Variants in ZNF397 observed in about 807,000 individuals in gnomAD.
ZNF397 encodes the protein zinc finger and SCAN domain-containing protein 15.
In ZNF397, 38 loss-of-function variants were observed where a neutral mutation model predicts 50.6. The observed-to-expected ratio is 0.75, with a 90% CI of 0.58 to 0.98. The LOEUF (loss-of-function observed/expected upper bound fraction) is 0.98, where lower values mean the gene tolerates loss of function less well. ZNF397 is among the 50% of genes least tolerant of loss of function. The pLI is 0.00. For synonymous variants in ZNF397, 228 were observed against 215.2 expected (o/e 1.06, Z -0.52); for missense variants, 624 against 624.1 (o/e 1.00, Z 0.00).
rs764587019 is a variant in ZNF397, at chr18:35,246,117, A to G, written c.1412A>G (p.His471Arg). Residue 471 changes from histidine to arginine, a missense_variant, in exon 4 of 4, where the codon CAT becomes CGT. His to Arg is a conservative substitution (Grantham distance 29). Coordinates refer to ENST00000330501, the MANE Select transcript of ZNF397 (RefSeq NM_001135178.3). Reference protein sequence around the residue: ...AFSLSSNLIRHQRIHSGEEPY... With the variant: ...AFSLSSNLIRRQRIHSGEEPY... ...AGTTTGAGCTCAAACCTTATCAGACATCAGAGAATTCATAGTGGGGAGGAA... is the reference window on the plus strand; with the variant it reads ...AGTTTGAGCTCAAACCTTATCAGACGTCAGAGAATTCATAGTGGGGAGGAA... 1.3e-6 allele frequency: 2 copies of G among 1,551,830 alleles called. No homozygotes were observed. The highest frequency in any genetic ancestry group is 2.7e-5 in the African/African-American group (2 of 73,048).
At chr18:35,258,113 C>A in exon 6 of ZNF397, 1 of 682,412 alleles carries the variant, frequency 1.5e-6, no homozygotes. Flanking sequence ...ACAATTTAAA[C>A]CTCATGACCT....
chr18:35,252,048 TA>T (rs1228307914), downstream of ZNF397: 1 of 152,190 alleles, frequency 6.6e-6, no homozygotes, highest in Non-Finnish European at 1.5e-5. Flanking sequence ...GGCATGAAGA[TA>T]AGATAGGATC....
chr18:35,241,613 T>G (rs543506221), intron 1 of ZNF397: 2 of 152,366 alleles, frequency 1.3e-5, no homozygotes, highest in East Asian at 3.9e-4. Context: ...CTTGGGATAT[T>G]CTAAGCTTTT....
rs757264889 is a variant in ZNF397 at position 35,246,531 on chromosome 18, T to C, written c.*221T>C. The C allele has an allele frequency of 2.9e-5, 38 of 1,306,040 alleles. No individual in the cohort carries two copies. The highest frequency in any genetic ancestry group is 3.7e-5 in the Non-Finnish European group (38 of 1,030,540). 80.9% of individuals were successfully genotyped at this position (1,306,040 alleles called of 1,614,324 possible). On this transcript the variant is annotated 3_prime_UTR_variant, in exon 4 of 4. Transcript: ENST00000330501. ...ATACAGAAGAATCATTACTTCCAGC[T>C]CTTCTCTTATTAGGAATACTCAGGA...
intron 5 of ZNF397, chr18:35,255,741 T>C (rs1306648317): frequency 1.9e-5 from 3 of 154,344 alleles, no homozygotes; most frequent in Middle Eastern, 1.0e-3. Flanking sequence ...GGCTTCCCGT[T>C]TTCCCCATTC....
In ZNF397 at chr18:35,248,547, A is replaced by G. The variant is rs1598587455; in HGVS notation, c.*2237A>G. On this transcript the variant is annotated 3_prime_UTR_variant, in exon 4 of 4. Coordinates refer to ENST00000330501, the MANE Select transcript of ZNF397 (RefSeq NM_001135178.3). The stretch of plus-strand genomic sequence containing the variant: ...AAGCTCTACTGTATGTCAGAAAGCA[A>G]TGTAATAGATAGACCAAGCACAGTG... The G allele has an allele frequency of 6.6e-6, 1 of 152,332 alleles. No individual in the cohort carries two copies. The highest frequency in any genetic ancestry group is 2.1e-4 in the South Asian group (1 of 4,830). The allele number at this position is 152,332 out of a possible 1,614,324, so 9.4% of individuals were successfully genotyped here. A position where few individuals can be genotyped will look rare whatever the true frequency, so the allele number is the denominator to read the frequency against.
intron 1 of ZNF397, chr18:35,241,544 CTGTG>C (rs1912501685): frequency 6.6e-6 from 1 of 152,222 alleles, no homozygotes; most frequent in Non-Finnish European, 1.5e-5. Context: ...CAAGTTTGGT[CTGTG>C]TCACAACATT....
chr18:35,252,404 A>G (rs952424801), downstream of ZNF397: 1 of 152,214 alleles, frequency 6.6e-6, no homozygotes, highest in South Asian at 2.1e-4. Context: ...AGGCTCTGCT[A>G]TTCCCCATTC....
In ZNF397 at chr18:35,246,919, C is replaced by G; in HGVS notation, c.*609C>G. The G allele has an allele frequency of 1.1e-6, 1 of 946,552 alleles. No homozygotes were observed. The highest frequency in any genetic ancestry group is 1.3e-6 in the Non-Finnish European group (1 of 794,576). 58.6% of individuals were successfully genotyped at this position (946,552 alleles called of 1,614,324 possible). A position where few individuals can be genotyped will look rare whatever the true frequency, so the allele number is the denominator to read the frequency against. On this transcript the variant is annotated 3_prime_UTR_variant, in exon 4 of 4. Coordinates refer to ENST00000330501, the MANE Select transcript of ZNF397 (RefSeq NM_001135178.3). ...ACAGTGGAAAACAAGACTGTAGTCT[C>G]TACAGTCTAATGGGCAAGGCAGCCA...
exon 6 of ZNF397, chr18:35,258,225 G>T (rs1472342516): frequency 3.9e-6 from 2 of 507,422 alleles, no homozygotes; most frequent in African/African-American, 3.9e-5. Context: ...CAGGAACCCA[G>T]TCAAGGCCAT....
At chr18:35,243,006 G>T in intron 2 of ZNF397, 122 bp downstream of exon 2, 1 of 1,477,694 alleles carries the variant, frequency 6.8e-7, no homozygotes, top group South Asian at 1.3e-5. Context: ...GTGACTAATA[G>T]AGCCATACTT....
intron 3 of ZNF397, chr18:35,243,528 G>A: frequency 1.5e-6 from 1 of 646,326 alleles, no homozygotes; most frequent in South Asian, 1.9e-5. Context: ...ACTTTATAAA[G>A]CGTCAATACA....
chr18:35,252,525 T>A (rs988081405), downstream of ZNF397: 3 of 152,218 alleles, frequency 2.0e-5, no homozygotes, highest in Non-Finnish European at 4.4e-5. Context: ...AAATTAGGTC[T>A]ATGACAATTT....
Position 35,245,587 on chromosome 18 carries a change from C to G in ZNF397, c.882C>G (p.Phe294Leu). Residue 294 changes from phenylalanine (F) to leucine (L), a missense_variant, in exon 4 of 4, where the codon TTC (phenylalanine) becomes TTG (leucine). Phe to Leu is a conservative substitution (Grantham distance 22). Coordinates refer to ENST00000330501, the MANE Select transcript of ZNF397 (RefSeq NM_001135178.3). Reference sequence around the variant, plus strand: ...GATGTGATGTATGTGGGCACAGCTTCAAGCAGCATTCCTCTCTAACACAAC... The same window carrying G: ...GATGTGATGTATGTGGGCACAGCTTGAAGCAGCATTCCTCTCTAACACAAC... ...PYRCDVCGHS[F>L]KQHSSLTQHQ... The G allele has an allele frequency of 6.4e-7, 1 of 1,553,008 alleles. No individual in the cohort carries two copies. Among genetic ancestry groups the G allele is most frequent in the Non-Finnish European group, 8.7e-7 (1 of 1,147,560 alleles).
rs1028815931 is a variant in ZNF397, at chr18:35,243,470, C to G, written c.556+177C>G. The G allele has an allele frequency of 2.8e-5, 22 of 773,050 alleles. 1 individual carries two copies. Among genetic ancestry groups the G allele is most frequent in the African/African-American group, 2.3e-4 (13 of 57,438 alleles). The allele number at this position is 773,050 out of a possible 1,614,324, so 47.9% of individuals were successfully genotyped here. Reference sequence around the variant, plus strand: ...CCCCTCATGAATTGCTGTCAGCCCTCCTGTGTGAGTTTCCCTGTTATTCAT... The same window carrying G: ...CCCCTCATGAATTGCTGTCAGCCCTGCTGTGTGAGTTTCCCTGTTATTCAT... On this transcript the variant is annotated intron_variant, in intron 3 of 3. Transcript: ENST00000330501.
downstream of ZNF397, chr18:35,254,228 T>C: frequency 6.2e-7 from 1 of 1,614,180 alleles, no homozygotes; most frequent in South Asian, 1.1e-5. Flanking sequence ...CTTTTGCTTC[T>C]TAGAGTTGTC....
At position 35,242,832 on chromosome 18, in the gene ZNF397, C is replaced by T; in HGVS notation, c.362C>T (p.Ala121Val). Residue 121 changes from alanine (A) to valine (V), a missense_variant, in exon 2 of 4, where the codon GCT becomes GTT. Transcript: ENST00000330501. The stretch of plus-strand genomic sequence containing the variant: ...CATAATCCAGAAAGCGGCGAGGAAG[C>T]TGTGACCCTGTTGGAGGATTTAGAG... ...QQHNPESGEE[A>V]VTLLEDLERE... 1 of 1,613,878 alleles carries T rather than the reference C, an allele frequency of 6.2e-7. No homozygotes were observed. Among genetic ancestry groups the T allele is most frequent in the Non-Finnish European group, 8.5e-7 (1 of 1,179,864 alleles).
Position 35,247,835 on chromosome 18 carries a change from T to TA in ZNF397, c.*1527dup, listed in dbSNP as rs2043507819. The TA allele has an allele frequency of 1.3e-5, 2 of 152,132 alleles. No individual in the cohort carries two copies. Among genetic ancestry groups the TA allele is most frequent in the South Asian group, 4.1e-4 (2 of 4,826 alleles). 9.4% of individuals were successfully genotyped at this position (152,132 alleles called of 1,614,324 possible). On this transcript the variant is annotated 3_prime_UTR_variant, in exon 4 of 4. Coordinates refer to ENST00000330501, the MANE Select transcript of ZNF397 (RefSeq NM_001135178.3). ...ACAGGCATGCACCACCACAGCTGGCTAATTTTGTATTTTTAGGAAAGACAG... is the reference window on the plus strand; with the variant it reads ...ACAGGCATGCACCACCACAGCTGGCTAAATTTTGTATTTTTAGGAAAGACAG...
At chr18:35,253,912 G>A, downstream of ZNF397, 1 of 1,614,068 alleles carries the variant, frequency 6.2e-7, no homozygotes, top group Non-Finnish European at 8.5e-7. Flanking sequence ...CAAGGTCTGA[G>A]CTCAAACTGA....
Sources: gnomAD v4.1 joint callset for allele counts on GRCh38, gnomAD v4.1.1 for gene constraint, MANE v1.5 for transcripts, NCBI Gene and HGNC (gene_info 2026-07-23, HGNC 2026-07-21) for gene names.